The following RIMS4 variants were observed in gnomAD, a reference collection of about 807,000 sequenced individuals.
RIMS4 encodes the protein regulating synaptic membrane exocytosis protein 4.
A neutral mutation model predicts 29.0 loss-of-function variants in RIMS4; 9 were observed. That is an observed-to-expected ratio of 0.31 (90% CI 0.19 to 0.54). The LOEUF is 0.54. Among genes scored for constraint, RIMS4 ranks in the 20% least tolerant of loss-of-function variants. The pLI, the probability that RIMS4 is intolerant of heterozygous loss-of-function variation, is 0.94. For missense variants in RIMS4, 193 were observed against 365.7 expected, an observed-to-expected ratio of 0.53 and a Z score of 3.85; for synonymous variants, 130 against 152.9, an observed-to-expected ratio of 0.85 and a Z score of 1.10.
Position 44,756,768 on chromosome 20 carries a change from G to A in RIMS4, c.591+130C>T. On this transcript the variant is annotated intron_variant, in intron 5 of 5. Coordinates refer to ENST00000372851, the MANE Select transcript of RIMS4 (RefSeq NM_182970.4). This position sits in a 1 kb window ranked among gnomAD's most constrained non-coding sequence, Gnocchi z 5.9. ...CTCAGTTCAGCCACAGTGAACTGAG[G>A]GCCTCGCCTGTTTCCTCCAGGCGAG... 1 of 743,032 alleles carries A rather than the reference G, an allele frequency of 1.3e-6. No individual in the cohort carries two copies. Among genetic ancestry groups the A allele is most frequent in the Non-Finnish European group, 2.1e-6 (1 of 469,974 alleles). The allele number at this position is 743,032 out of a possible 1,614,324, so 46.0% of individuals were successfully genotyped here.
intron 1 of RIMS4, among the ~76,000 whole-genome samples, chr20:44,792,698 T>G (rs2066238362): frequency 6.6e-6 from 1 of 152,208 alleles, no homozygotes; most frequent in African/African-American, 2.4e-5. Context: ...CCTCATAGTC[T>G]GACATTTCAG....
At chr20:44,758,462 C>T (rs1232615403) in intron 2 of RIMS4, among the ~76,000 whole-genome samples, 4 of 152,198 alleles carry the variant, frequency 2.6e-5, no homozygotes, top group Non-Finnish European at 2.9e-5. Context: ...AATTTTAATG[C>T]GAGCCCCAGA....
At chr20:44,759,179 A>AGT (rs2066073441) in intron 2 of RIMS4, among the ~76,000 whole-genome samples, 1 of 152,160 alleles carries the variant, frequency 6.6e-6, no homozygotes, top group Non-Finnish European at 1.5e-5. Flanking sequence ...CCTGAGCACC[A>AGT]AAGCACTTGC....
intron 1 of RIMS4, among the ~76,000 whole-genome samples, chr20:44,772,689 G>A (rs1380104541): frequency 6.6e-6 from 1 of 152,134 alleles, no homozygotes; most frequent in Non-Finnish European, 1.5e-5. Context: ...ATCATTAGTG[G>A]GATCTTTTTC....
At chr20:44,763,366 T>C (rs1221251518) in intron 2 of RIMS4, among the ~76,000 whole-genome samples, 1 of 152,188 alleles carries the variant, frequency 6.6e-6, no homozygotes, top group African/African-American at 2.4e-5. Context: ...ACAGAGGACC[T>C]GCTGAGTGAA....
In RIMS4 at chr20:44,752,533, C is replaced by G. The variant is rs961081816; in HGVS notation, c.*3601G>C. ...CCCACTAACACAGTGGGACCTCAGG[C>G]AAGCACTTTCCCCTCCCAGGACCTC... On this transcript the variant is annotated 3_prime_UTR_variant, in exon 6 of 6. Coordinates refer to ENST00000372851, the MANE Select transcript of RIMS4 (RefSeq NM_182970.4). 3.3e-5 allele frequency: 5 copies of G among 152,440 alleles called. No individual in the cohort carries two copies. The highest frequency in any genetic ancestry group is 7.3e-5 in the Non-Finnish European group (5 of 68,218). The allele number at this position is 152,440 out of a possible 1,614,324, so 9.4% of individuals were successfully genotyped here.
At chr20:44,807,935 T>C (rs555793613) in intron 1 of RIMS4, among the ~76,000 whole-genome samples, 1 of 152,088 alleles carries the variant, frequency 6.6e-6, no homozygotes, top group Admixed American at 6.5e-5. Context: ...CTGGGAAACA[T>C]TTTCTACACA....
At chr20:44,808,146 CACAA>C (rs2066307287) in intron 1 of RIMS4, among the ~76,000 whole-genome samples, 1 of 151,942 alleles carries the variant, frequency 6.6e-6, no homozygotes, top group African/African-American at 2.4e-5. Flanking sequence ...CAAACACTCA[CACAA>C]ATACACACAC....
chr20:44,761,690 TG>T (rs947492930), intron 2 of RIMS4, among the ~76,000 whole-genome samples: 49 of 152,296 alleles, frequency 3.2e-4, no homozygotes, highest in African/African-American at 1.1e-3. Context: ...TCGGGTTGCC[TG>T]GGATGGCCTG....
chr20:44,797,687 A>G (rs534871296), intron 1 of RIMS4, among the ~76,000 whole-genome samples: 2 of 152,332 alleles, frequency 1.3e-5, no homozygotes, highest in Middle Eastern at 3.4e-3. Context: ...GAGCAGGGCA[A>G]GTGTCATCAT....
chr20:44,780,855 T>G (rs983726379), intron 1 of RIMS4, among the ~76,000 whole-genome samples: 1 of 151,810 alleles, frequency 6.6e-6, no homozygotes, highest in Non-Finnish European at 1.5e-5. Context: ...ATGAAGTGAG[T>G]GAAAGCAAGA....
intron 1 of RIMS4, among the ~76,000 whole-genome samples, chr20:44,780,898 C>A (rs2066181569): frequency 6.6e-6 from 1 of 152,068 alleles, no homozygotes; most frequent in Non-Finnish European, 1.5e-5. Context: ...GATTTGAGAA[C>A]CCTAGAGAGG....
rs1301608124 is a variant in RIMS4 at position 44,756,635 on chromosome 20, T to C, written c.591+263A>G. Among the ~76,000 whole-genome samples, 1 of 152,140 alleles carries C rather than the reference T, an allele frequency of 6.6e-6. No individual in the cohort carries two copies. Among genetic ancestry groups the C allele is most frequent in the Non-Finnish European group, 1.5e-5 (1 of 68,020 alleles). ...TTCCTGCACACAGCACACATTCCACTGGCACCAGAATGTTATCAGGTAGGT... is the reference window on the plus strand; with the variant it reads ...TTCCTGCACACAGCACACATTCCACCGGCACCAGAATGTTATCAGGTAGGT... On this transcript the variant is annotated intron_variant, in intron 5 of 5. Transcript: ENST00000372851. This position sits in a 1 kb window ranked among gnomAD's most constrained non-coding sequence, Gnocchi z 5.9.
intron 1 of RIMS4, among the ~76,000 whole-genome samples, chr20:44,793,919 A>G (rs953949938): frequency 6.6e-6 from 1 of 152,128 alleles, no homozygotes; most frequent in Non-Finnish European, 1.5e-5. Context: ...AAAAAATAAA[A>G]TTAGCTGGGC....
chr20:44,774,375 C>CT (rs764836466), intron 1 of RIMS4, among the ~76,000 whole-genome samples: 1 of 152,172 alleles, frequency 6.6e-6, no homozygotes, highest in Non-Finnish European at 1.5e-5. Flanking sequence ...AGTCAGTGGA[C>CT]TGGGAAAGGC....
chr20:44,793,230 G>T (rs572356936), intron 1 of RIMS4, among the ~76,000 whole-genome samples: 4 of 152,320 alleles, frequency 2.6e-5, no homozygotes, highest in African/African-American at 9.6e-5. Context: ...GCCCAGGGCA[G>T]GAGTACAAAT....
chr20:44,798,829 C>T (rs911502150), intron 1 of RIMS4, among the ~76,000 whole-genome samples: 1 of 152,254 alleles, frequency 6.6e-6, no homozygotes, highest in Non-Finnish European at 1.5e-5. Context: ...CCCCATGCTG[C>T]GTCTCCCTCT....
intron 1 of RIMS4, among the ~76,000 whole-genome samples, chr20:44,798,629 T>C (rs2066264892): frequency 6.6e-6 from 1 of 152,190 alleles, no homozygotes; most frequent in Non-Finnish European, 1.5e-5. Flanking sequence ...AGCTGCCCCA[T>C]CTTTGGACAA....
intron 2 of RIMS4, among the ~76,000 whole-genome samples, chr20:44,765,583 C>A (rs370507912): frequency 3.9e-5 from 6 of 152,184 alleles, no homozygotes; most frequent in Admixed American, 6.5e-5. Context: ...CCTTTGGGCA[C>A]GGGAATGCTG....
Sources: allele counts gnomAD v4.1 joint callset (sites outside exome capture counted in the v4.1 genomes callset), GRCh38; gene constraint gnomAD v4.1.1; non-coding constraint Gnocchi (gnomAD v3.1); transcripts MANE v1.5; gene names NCBI Gene and HGNC (gene_info 2026-07-23, HGNC 2026-07-21).